MAP3K20: variants seen among roughly 807,000 people sequenced by gnomAD.
The protein encoded by MAP3K20 is mitogen-activated protein kinase kinase kinase 20.
Under a neutral mutation model 85.7 loss-of-function variants are expected in MAP3K20, and 40 were observed. The observed-to-expected ratio is 0.47, with a 90% confidence interval of 0.36 to 0.61. MAP3K20 has a LOEUF of 0.61. Among genes scored for constraint, MAP3K20 ranks in the 20% least tolerant of loss-of-function variants. The pLI is 0.00. For missense variants in MAP3K20, 817 were observed against 961.7 expected, an observed-to-expected ratio of 0.85 and a Z score of 1.99; for synonymous variants, 325 against 327.7, an observed-to-expected ratio of 0.99 and a Z score of 0.09.
chr2:173,245,229 T>C (rs531527200), intron 16 of MAP3K20, among the ~76,000 whole-genome samples: 6 of 152,144 alleles, frequency 3.9e-5, no homozygotes, highest in Non-Finnish European at 7.3e-5. Context: ...GGAAAAACCC[T>C]GTCCACCTTT....
chr2:173,089,858 C>A (rs1687243829), intron 1 of MAP3K20, among the ~76,000 whole-genome samples: 1 of 152,182 alleles, frequency 6.6e-6, no homozygotes. Context: ...CAGGCGTGAG[C>A]CACCACATCC....
chr2:173,187,114 C>G (rs1403554667), intron 4 of MAP3K20, among the ~76,000 whole-genome samples: 1 of 152,182 alleles, frequency 6.6e-6, no homozygotes, highest in Non-Finnish European at 1.5e-5. Context: ...CCATAGACAT[C>G]CAGAACTTCG....
intron 2 of MAP3K20, among the ~76,000 whole-genome samples, chr2:173,152,062 C>G (rs74318304): frequency 6.6e-6 from 1 of 152,256 alleles, no homozygotes; most frequent in African/African-American, 2.4e-5. Context: ...GCTTCATAGC[C>G]CATGATTTTT....
intron 11 of MAP3K20, chr2:173,225,545 G>C: frequency 6.3e-6 from 6 of 947,886 alleles, no homozygotes; most frequent in Non-Finnish European, 7.5e-6. Flanking sequence ...AGTGAGCTGA[G>C]ATTGCACCAC....
chr2:173,197,112 T>C (rs991267567), intron 7 of MAP3K20, among the ~76,000 whole-genome samples: 2 of 152,228 alleles, frequency 1.3e-5, no homozygotes, highest in African/African-American at 2.4e-5. Flanking sequence ...ATTAGGACTA[T>C]TACTGATAAA....
At chr2:173,189,590 C>T (rs957386388) in intron 5 of MAP3K20, among the ~76,000 whole-genome samples, 15 of 152,136 alleles carry the variant, frequency 9.9e-5, no homozygotes, top group African/African-American at 3.6e-4. Flanking sequence ...TTTTAAGACA[C>T]TAAAATATAT....
chr2:173,109,013 T>C (rs1687865796), intron 2 of MAP3K20, among the ~76,000 whole-genome samples: 1 of 152,236 alleles, frequency 6.6e-6, no homozygotes, highest in South Asian at 2.1e-4. Context: ...GAAAGTACAC[T>C]CATATGCTTT....
At chr2:173,195,760 A>T (rs1183392497) in intron 7 of MAP3K20, among the ~76,000 whole-genome samples, 1 of 152,144 alleles carries the variant, frequency 6.6e-6, no homozygotes, top group African/African-American at 2.4e-5. Flanking sequence ...TAAACTAAAG[A>T]CCTCATTTGG....
At chr2:173,088,537 T>C (rs981873996) in intron 1 of MAP3K20, among the ~76,000 whole-genome samples, 2 of 152,026 alleles carry the variant, frequency 1.3e-5, no homozygotes, top group African/African-American at 4.8e-5. Flanking sequence ...GCTAAAGGAG[T>C]TGAAATTAGT....
At chr2:173,080,092 T>A (rs1686973366) in intron 1 of MAP3K20, among the ~76,000 whole-genome samples, 1 of 152,244 alleles carries the variant, frequency 6.6e-6, no homozygotes, top group African/African-American at 2.4e-5. Context: ...TAATGCATTG[T>A]GCTATGATGT....
intron 16 of MAP3K20, among the ~76,000 whole-genome samples, chr2:173,240,933 C>A (rs944001079): frequency 1.3e-5 from 2 of 152,122 alleles, no homozygotes; most frequent in Non-Finnish European, 1.5e-5. Context: ...ATACCGTTCC[C>A]AAACAGAATG....
At chr2:173,103,787 C>A (rs550873884) in intron 2 of MAP3K20, among the ~76,000 whole-genome samples, 1 of 152,224 alleles carries the variant, frequency 6.6e-6, no homozygotes, top group South Asian at 2.1e-4. Context: ...GTGAATAATA[C>A]CTTGAAGTAC....
At chr2:173,233,476 CTGAG>C (rs1684575016) in intron 14 of MAP3K20, among the ~76,000 whole-genome samples, 1 of 152,110 alleles carries the variant, frequency 6.6e-6, no homozygotes, top group African/African-American at 2.4e-5. Context: ...GCAACTTAAA[CTGAG>C]TAAGAATTGC....
At chr2:173,229,605 TGAAA>T (rs1200925176) in intron 11 of MAP3K20, 80 bp from the exon 12 acceptor site, 1 of 1,576,310 alleles carries the variant, frequency 6.3e-7, no homozygotes, top group African/African-American at 1.3e-5. Context: ...AGCTGAGAGC[TGAAA>T]GAGTGAGACA....
chr2:173,221,485 T>A (rs947747427), intron 11 of MAP3K20: 2 of 1,607,854 alleles, frequency 1.2e-6, no homozygotes, highest in African/African-American at 2.7e-5. Flanking sequence ...ATGATGATGA[T>A]GATGACGGTG....
chr2:173,191,553 G>C (rs1183239757), intron 7 of MAP3K20, among the ~76,000 whole-genome samples: 1 of 152,152 alleles, frequency 6.6e-6, no homozygotes, highest in African/African-American at 2.4e-5. Context: ...TCATTGTAAT[G>C]GATTGCTTAA....
At chr2:173,245,405 G>A (rs1225174659) in intron 16 of MAP3K20, among the ~76,000 whole-genome samples, 1 of 152,092 alleles carries the variant, frequency 6.6e-6, no homozygotes, top group African/African-American at 2.4e-5. Flanking sequence ...TTGCCCATGC[G>A]CTTAGTCTTC....
At chr2:173,102,833 A>G (rs1687672684) in intron 2 of MAP3K20, among the ~76,000 whole-genome samples, 2 of 152,144 alleles carry the variant, frequency 1.3e-5, no homozygotes, top group South Asian at 4.1e-4. Context: ...TAAGAAACAT[A>G]TACTCATAGG....
At chr2:173,168,869 GTTTT>G (rs779361339) in intron 2 of MAP3K20, among the ~76,000 whole-genome samples, 2 of 151,802 alleles carry the variant, frequency 1.3e-5, no homozygotes, top group Admixed American at 1.3e-4. Context: ...ATAGTATCTG[GTTTT>G]TTTGTTTTAA....
Sources: allele counts gnomAD v4.1 joint callset (sites outside exome capture counted in the v4.1 genomes callset), GRCh38; gene constraint gnomAD v4.1.1; transcripts MANE v1.5; gene names NCBI Gene and HGNC (gene_info 2026-07-23, HGNC 2026-07-21).